PRKAR2A: variants seen among roughly 807,000 people sequenced by gnomAD.
The protein encoded by PRKAR2A is cAMP-dependent protein kinase type II-alpha regulatory subunit.
A neutral mutation model predicts 51.9 loss-of-function variants in PRKAR2A; 29 were observed. The ratio of observed to expected loss-of-function variants is 0.56; its 90% CI spans 0.42 to 0.76. PRKAR2A has a LOEUF of 0.76. Among genes scored for constraint, PRKAR2A ranks in the 30% least tolerant of loss-of-function variants. The pLI is 0.00. For missense variants in PRKAR2A, 445 were observed against 512.1 expected, an observed-to-expected ratio of 0.87 and a Z score of 1.26; for synonymous variants, 178 against 186.2, an observed-to-expected ratio of 0.96 and a Z score of 0.36.
intron 3 of PRKAR2A, among the ~76,000 whole-genome samples, 167 bp from the exon 4 acceptor site, chr3:48,790,794 T>C (rs1284584308): frequency 1.3e-5 from 2 of 152,112 alleles, no homozygotes; most frequent in Non-Finnish European, 2.9e-5. Context: ...GGAGAGGCAA[T>C]GTAATATAGG....
At chr3:48,822,210 C>CA (rs34189728) in intron 1 of PRKAR2A, among the ~76,000 whole-genome samples, 75,616 of 108,824 alleles carry the variant, frequency 0.69, 25,214 homozygotes, top group East Asian at 0.94. Context: ...GATTCTGTCT[C>CA]AAAAAAAAAA....
intron 1 of PRKAR2A, among the ~76,000 whole-genome samples, chr3:48,812,522 G>A (rs1171642248): frequency 1.4e-5 from 2 of 144,512 alleles, no homozygotes; most frequent in South Asian, 2.2e-4. Flanking sequence ...TCACTCTGTC[G>A]CCCAGGCTGG....
At chr3:48,837,123 CAAAAAT>C (rs1047503870) in intron 1 of PRKAR2A, among the ~76,000 whole-genome samples, 1 of 150,276 alleles carries the variant, frequency 6.7e-6, no homozygotes, top group African/African-American at 2.5e-5. Context: ...GACCCTGTCT[CAAAAAT>C]AATAATAATA....
chr3:48,840,629 T>C (rs1211890782), intron 1 of PRKAR2A, among the ~76,000 whole-genome samples: 8 of 114,320 alleles, frequency 7.0e-5, no homozygotes, highest in African/African-American at 2.3e-4. Context: ...CAGGCTGGAG[T>C]GCAGTGGCAC....
chr3:48,806,348 A>G (rs1364056646), intron 2 of PRKAR2A, among the ~76,000 whole-genome samples: 2 of 152,210 alleles, frequency 1.3e-5, no homozygotes, highest in East Asian at 3.8e-4. Context: ...TTTAAAACAC[A>G]TTAACATTCC....
intron 3 of PRKAR2A, among the ~76,000 whole-genome samples, chr3:48,792,444 A>G (rs2082405225): frequency 6.9e-6 from 1 of 144,700 alleles, no homozygotes; most frequent in Non-Finnish European, 1.5e-5. Context: ...CTGGCCCACT[A>G]AAGGTTTAAT....
At chr3:48,816,508 C>A (rs575222811) in intron 1 of PRKAR2A, among the ~76,000 whole-genome samples, 1 of 152,030 alleles carries the variant, frequency 6.6e-6, no homozygotes, top group Admixed American at 6.6e-5. Flanking sequence ...TGTGGTGGCG[C>A]GTGACTGTAG....
At chr3:48,766,523 G>A (rs763939809) in intron 6 of PRKAR2A, among the ~76,000 whole-genome samples, 3 of 150,848 alleles carry the variant, frequency 2.0e-5, no homozygotes, top group Admixed American at 6.6e-5. Context: ...CTGAGATTGC[G>A]CCACTGCACT....
At chr3:48,807,473 G>A (rs1036610173) in intron 2 of PRKAR2A, among the ~76,000 whole-genome samples, 176 bp downstream of exon 2, 4 of 152,094 alleles carry the variant, frequency 2.6e-5, no homozygotes, top group South Asian at 2.1e-4. Flanking sequence ...TATAAAATAC[G>A]TACATACATA....
chr3:48,801,684 G>A (rs549643095), intron 2 of PRKAR2A, among the ~76,000 whole-genome samples: 5 of 152,180 alleles, frequency 3.3e-5, no homozygotes, highest in African/African-American at 4.8e-5. Flanking sequence ...TGCCACCTTC[G>A]TCTCCTGGGT....
chr3:48,768,655 AC>A (rs2081977395), intron 6 of PRKAR2A, among the ~76,000 whole-genome samples: 2 of 151,662 alleles, frequency 1.3e-5, no homozygotes, highest in Admixed American at 1.3e-4. Flanking sequence ...CCGAGATCAC[AC>A]CACTATACTC....
intron 9 of PRKAR2A, among the ~76,000 whole-genome samples, chr3:48,754,863 GTT>G (rs1419027086): frequency 4.6e-5 from 7 of 150,602 alleles, no homozygotes; most frequent in Non-Finnish European, 4.4e-5. Flanking sequence ...GTTGCAGTGA[GTT>G]GAGATTGCAC....
At chr3:48,768,444 T>G (rs556703119) in intron 6 of PRKAR2A, among the ~76,000 whole-genome samples, 1 of 151,874 alleles carries the variant, frequency 6.6e-6, no homozygotes, top group African/African-American at 2.4e-5. Flanking sequence ...ACACCTATAA[T>G]CCCAGCATTT....
chr3:48,790,153 C>T (rs1002637235), intron 4 of PRKAR2A, among the ~76,000 whole-genome samples: 10 of 151,910 alleles, frequency 6.6e-5, no homozygotes, highest in African/African-American at 2.2e-4. Flanking sequence ...CATGAATACA[C>T]GGGGACAAAG....
chr3:48,792,298 C>T (rs1335995766), intron 3 of PRKAR2A, among the ~76,000 whole-genome samples: 4 of 150,846 alleles, frequency 2.7e-5, no homozygotes, highest in African/African-American at 9.8e-5. Flanking sequence ...GGTGCCACCA[C>T]GCCTGGCTAA....
chr3:48,758,900 G>C (rs2081818422), intron 8 of PRKAR2A, among the ~76,000 whole-genome samples: 1 of 152,184 alleles, frequency 6.6e-6, no homozygotes, highest in South Asian at 2.1e-4. Context: ...GTAGTTGGTA[G>C]ATTCAGGGTT....
chr3:48,779,069 C>T (rs1028749289), intron 5 of PRKAR2A, among the ~76,000 whole-genome samples: 2 of 151,702 alleles, frequency 1.3e-5, no homozygotes, highest in African/African-American at 2.4e-5. Flanking sequence ...TCAAGTGCTC[C>T]GCCCACCTGG....
At chr3:48,839,419 T>G (rs1381526850) in intron 1 of PRKAR2A, among the ~76,000 whole-genome samples, 3 of 144,792 alleles carry the variant, frequency 2.1e-5, no homozygotes, top group Admixed American at 1.4e-4. Context: ...AAAAAAAAAA[T>G]GCTGAGAGAC....
At chr3:48,831,365 C>CTTTTT (rs539375236) in intron 1 of PRKAR2A, among the ~76,000 whole-genome samples, 3 of 126,334 alleles carry the variant, frequency 2.4e-5, no homozygotes, top group Non-Finnish European at 3.2e-5. Context: ...TCCAAAATAT[C>CTTTTT]TTTTTTTTTT....
Sources: allele counts gnomAD v4.1 joint callset (sites outside exome capture counted in the v4.1 genomes callset), GRCh38; gene constraint gnomAD v4.1.1; transcripts MANE v1.5; gene names NCBI Gene and HGNC (gene_info 2026-07-23, HGNC 2026-07-21).